CACNA2D3: variants seen among roughly 807,000 people sequenced by gnomAD.
The protein encoded by CACNA2D3 is calcium voltage-gated channel auxiliary subunit alpha2delta 3.
Under a neutral mutation model 160.6 loss-of-function variants are expected in CACNA2D3, and 60 were observed. The ratio of observed to expected loss-of-function variants is 0.37; its 90% CI spans 0.30 to 0.46. CACNA2D3 has a LOEUF of 0.46. Ranked by LOEUF, CACNA2D3 falls within the 20% of genes least tolerant of loss-of-function variation. CACNA2D3 has a pLI of 1.00. For synonymous variants in CACNA2D3, 558 were observed against 492.9 expected (o/e 1.13, Z -1.75); for missense variants, 1,205 against 1,365.0 (o/e 0.88, Z 1.85).
intron 2 of CACNA2D3, among the ~76,000 whole-genome samples, chr3:54,281,493 C>T (rs538217883): frequency 6.9e-4 from 105 of 152,014 alleles, no homozygotes; most frequent in African/African-American, 2.4e-3. Flanking sequence ...GCAGGCAGAC[C>T]CCAGAGCGCA....
chr3:54,975,521 C>CAAAAA (rs55819960), intron 29 of CACNA2D3, among the ~76,000 whole-genome samples: 1 of 77,772 alleles, frequency 1.3e-5, no homozygotes, highest in East Asian at 4.0e-4. Flanking sequence ...ACTTGGTCTC[C>CAAAAA]AAAAAAAAAA....
At chr3:54,375,555 A>G (rs1473956743) in intron 3 of CACNA2D3, among the ~76,000 whole-genome samples, 1 of 152,124 alleles carries the variant, frequency 6.6e-6, no homozygotes, top group Admixed American at 6.5e-5. Context: ...GGTCAAGAGA[A>G]CAGCAGGATG....
At chr3:54,763,834 T>TGTACATATATATACATATATATAC (rs1559573894) in intron 12 of CACNA2D3, among the ~76,000 whole-genome samples, 100 of 38,600 alleles carry the variant, frequency 2.6e-3, no homozygotes, top group Non-Finnish European at 4.5e-3. Context: ...CGTATATATA[T>TGTACATATATATACATATATATAC]GTATATATAT....
At chr3:54,964,146 G>T (rs2107055787) in intron 27 of CACNA2D3, among the ~76,000 whole-genome samples, 1 of 152,112 alleles carries the variant, frequency 6.6e-6, no homozygotes, top group African/African-American at 2.4e-5. Context: ...GTCCTAGGAG[G>T]CTCACCCCAT....
intron 6 of CACNA2D3, 35 bp from the exon 7 acceptor site, chr3:54,569,760 T>C: frequency 6.8e-7 from 1 of 1,480,514 alleles, no homozygotes; most frequent in Non-Finnish European, 9.3e-7. Flanking sequence ...ATATTTGAAG[T>C]TTCTGGGTTT....
rs115968912 is a variant in CACNA2D3, at chr3:54,388,316, T to C, written c.381+1542T>C. Among the ~76,000 whole-genome samples the C allele has an allele frequency of 6.1e-3, 932 of 152,348 alleles. 11 individuals are homozygous for C. The highest frequency in any genetic ancestry group is 0.021 in the African/African-American group (886 of 41,576). On this transcript the variant is annotated intron_variant, in intron 4 of 37. Coordinates refer to ENST00000474759, the MANE Select transcript of CACNA2D3 (RefSeq NM_018398.3). ...ATACCCAAGTACTCTCTTGCTTTCT[T>C]ATTTCTTGCCAGTACTCACCGTTGG...
chr3:54,810,043 G>A (rs1703258399), intron 13 of CACNA2D3, among the ~76,000 whole-genome samples: 1 of 152,184 alleles, frequency 6.6e-6, no homozygotes, highest in Admixed American at 6.5e-5. Flanking sequence ...CAGAAGAGGT[G>A]CCATCAGAGC....
rs71074965 is a variant in CACNA2D3 at position 54,338,467 on chromosome 3, C to CTGTGTGTGTGTGTGTGTGTGTGTGTG, written c.321+17929_321+17954dup. Among the ~76,000 whole-genome samples the CTGTGTGTGTGTGTGTGTGTGTGTGTG allele has an allele frequency of 2.0e-3, 279 of 136,512 alleles. 2 individuals carry two copies. Among genetic ancestry groups the CTGTGTGTGTGTGTGTGTGTGTGTGTG allele is most frequent in the South Asian group, 9.6e-3 (37 of 3,844 alleles). The allele number at this position is 136,512 out of a possible 152,430, so 89.6% of individuals were successfully genotyped here. Reference sequence around the variant, plus strand: ...TTATAGCTCTCTTCATCTCCCCTCCCTGTGTGTGTGTGTGTGTGTGTGTGT... The same window carrying CTGTGTGTGTGTGTGTGTGTGTGTGTG: ...TTATAGCTCTCTTCATCTCCCCTCCCTGTGTGTGTGTGTGTGTGTGTGTGTGTGTGTGTGTGTGTGTGTGTGTGTGT... On this transcript the variant is annotated intron_variant, in intron 3 of 37. Transcript: ENST00000474759.
chr3:54,581,708 C>T (rs768644321), intron 8 of CACNA2D3, 95 bp from the exon 9 acceptor site: 36 of 954,996 alleles, frequency 3.8e-5, no homozygotes, highest in Admixed American at 8.6e-5. Flanking sequence ...GTGATTGTGC[C>T]GCTTTTTTGT....
intron 4 of CACNA2D3, among the ~76,000 whole-genome samples, chr3:54,390,576 G>A (rs1340066108): frequency 4.6e-5 from 7 of 152,170 alleles, no homozygotes; most frequent in African/African-American, 1.4e-4. Context: ...CTGGTGCTCC[G>A]ACCTCAGTGA....
chr3:54,403,902 A>C (rs1265468620), intron 4 of CACNA2D3, among the ~76,000 whole-genome samples: 1 of 152,122 alleles, frequency 6.6e-6, no homozygotes, highest in Non-Finnish European at 1.5e-5. Context: ...GAAATGGATA[A>C]ATTCTTTCTA....
chr3:54,667,374 C>T (rs767997378), intron 11 of CACNA2D3, among the ~76,000 whole-genome samples: 2 of 152,134 alleles, frequency 1.3e-5, no homozygotes, highest in African/African-American at 2.4e-5. Context: ...TAATCTGTAA[C>T]CACCCTCCAA....
chr3:54,581,629 A>G (rs544998592), intron 8 of CACNA2D3, among the ~76,000 whole-genome samples, 174 bp from the exon 9 acceptor site: 1 of 152,362 alleles, frequency 6.6e-6, no homozygotes, highest in Admixed American at 6.5e-5. Flanking sequence ...GTCTGTCTGC[A>G]GCACATAATC....
intron 9 of CACNA2D3, among the ~76,000 whole-genome samples, chr3:54,621,968 C>G (rs562203958): frequency 6.6e-6 from 1 of 151,932 alleles, no homozygotes; most frequent in East Asian, 1.9e-4. Flanking sequence ...TTTTTCGGGT[C>G]CCCCAGGGAG....
chr3:54,501,066 A>G (rs954033310), intron 4 of CACNA2D3, among the ~76,000 whole-genome samples: 12 of 152,158 alleles, frequency 7.9e-5, no homozygotes, highest in African/African-American at 2.9e-4. Flanking sequence ...AGAAGATAGA[A>G]TGGAAAAAGG....
At chr3:54,182,293 A>C (rs1262586510) in intron 2 of CACNA2D3, among the ~76,000 whole-genome samples, 4 of 152,146 alleles carry the variant, frequency 2.6e-5, no homozygotes, top group African/African-American at 9.7e-5. Context: ...TGGTATTTTT[A>C]TTTTGGAAAT....
At chr3:54,247,346 A>G (rs1259972202) in intron 2 of CACNA2D3, among the ~76,000 whole-genome samples, 1 of 152,124 alleles carries the variant, frequency 6.6e-6, no homozygotes, top group African/African-American at 2.4e-5. Flanking sequence ...ATAAAACCAA[A>G]TCCCACTATT....
chr3:54,545,333 A>C (rs1286385051), intron 5 of CACNA2D3, among the ~76,000 whole-genome samples: 2 of 152,206 alleles, frequency 1.3e-5, no homozygotes, highest in African/African-American at 4.8e-5. Context: ...TTGGAGCTTA[A>C]CTTCCATTTC....
chr3:54,936,093 T>A (rs1701321883), intron 27 of CACNA2D3, among the ~76,000 whole-genome samples: 1 of 152,014 alleles, frequency 6.6e-6, no homozygotes, highest in African/African-American at 2.4e-5. Context: ...AACTTCGTCA[T>A]CTGTGCAAAG....
Sources: gnomAD v4.1 joint callset for allele counts (sites outside exome capture counted in the v4.1 genomes callset) on GRCh38, gnomAD v4.1.1 for gene constraint, MANE v1.5 for transcripts, NCBI Gene and HGNC (gene_info 2026-07-23, HGNC 2026-07-21) for gene names.